GTF2H3: variants seen among roughly 807,000 people sequenced by gnomAD.
GTF2H3 encodes TFIIH basal transcription factor complex p34 subunit.
In GTF2H3, 42 loss-of-function variants were observed where a neutral mutation model predicts 51.1. That is an observed-to-expected ratio of 0.82 (90% confidence interval 0.64 to 1.06). GTF2H3 has a LOEUF of 1.06. GTF2H3 is among the 50% of genes least tolerant of loss of function. GTF2H3 has a pLI of 0.00. For synonymous variants in GTF2H3, 123 were observed against 123.8 expected (o/e 0.99, Z 0.04); for missense variants, 326 against 366.1 (o/e 0.89, Z 0.89).
rs1955533903 is a variant in GTF2H3, at chr12:123,652,707, A to G, written c.458A>G (p.Asp153Gly). ...TTTTTCTGCTTTTTTCTCTTTGTAG[A>G]CAATCAGGAAATGAAATCAAGGATA... The part of the protein sequence containing the change: ...YIHRMNKEVK[D>G]NQEMKSRILV... Residue 153 changes from aspartate (D) to glycine (G), a missense_variant and splice_region_variant, in exon 7 of 13, where the codon GAC becomes GGC. Coordinates refer to ENST00000543341, the MANE Select transcript of GTF2H3 (RefSeq NM_001516.5). The G allele has an allele frequency of 6.6e-7, 1 of 1,523,806 alleles. No homozygotes were observed. Among genetic ancestry groups the G allele is most frequent in the East Asian group, 2.3e-5 (1 of 43,330 alleles). 94.4% of individuals were successfully genotyped at this position (1,523,806 alleles called of 1,614,324 possible).
chr12:123,647,480 A>C (rs1324738378), intron 3 of GTF2H3, among the ~76,000 whole-genome samples: 3 of 152,150 alleles, frequency 2.0e-5, no homozygotes, highest in Non-Finnish European at 4.4e-5. Flanking sequence ...TCAAAAAAAA[A>C]AAGAGTCATG....
At chr12:123,639,202 T>C in intron 1 of GTF2H3, 62 bp from the exon 2 acceptor site, 1 of 804,546 alleles carries the variant, frequency 1.2e-6, no homozygotes, top group East Asian at 2.6e-5. Context: ...TTGGGAATGT[T>C]AGCTTTGATT....
chr12:123,640,382 G>A (rs1006599932), intron 2 of GTF2H3, among the ~76,000 whole-genome samples: 3 of 149,280 alleles, frequency 2.0e-5, no homozygotes, highest in African/African-American at 5.0e-5. Context: ...TGTTGCCCAG[G>A]CTAGAGTGCA....
Position 123,639,331 on chromosome 12 carries a change from A to G in GTF2H3, c.81A>G (p.Leu27=). Residue 27 remains leucine, a synonymous_variant, in exon 2 of 13, where the codon TTA becomes TTG. Transcript: ENST00000543341. ...CAATTTGGTGGGGAAAGCAAGCATT[A>G]AAGGAATCTCAGGTAAGACTGCTTG... is the stretch of plus-strand genomic sequence containing the variant. ...ANPIWWGKQA[L]KESQFTLSKC... 1 of 1,568,064 alleles carries G rather than the reference A, an allele frequency of 6.4e-7. No homozygotes were observed. The highest frequency in any genetic ancestry group is 8.8e-7 in the Non-Finnish European group (1 of 1,138,106).
chr12:123,648,506 A>C (rs1955479543), intron 4 of GTF2H3: 1 of 156,072 alleles, frequency 6.4e-6, no homozygotes, highest in African/African-American at 2.4e-5. Context: ...TTTTGCCTTT[A>C]ATTATCTTTT....
intron 8 of GTF2H3, 42 bp from the exon 9 acceptor site, chr12:123,655,729 A>C (rs1955578634): frequency 8.7e-7 from 1 of 1,150,366 alleles, no homozygotes; most frequent in Non-Finnish European, 1.3e-6. Flanking sequence ...GGTAATCATT[A>C]TTGTTATTAT....
chr12:123,634,836 A>G (rs921377346), intron 1 of GTF2H3, among the ~76,000 whole-genome samples: 1 of 152,250 alleles, frequency 6.6e-6, no homozygotes, highest in African/African-American at 2.4e-5. Flanking sequence ...GCAGGGCCTT[A>G]TTGGCCGTGA....
intron 3 of GTF2H3, among the ~76,000 whole-genome samples, 164 bp downstream of exon 3, chr12:123,645,725 A>G (rs1362069020): frequency 1.3e-5 from 2 of 152,238 alleles, no homozygotes; most frequent in East Asian, 1.9e-4. Flanking sequence ...TGTGATATCC[A>G]TGAAATTTGC....
chr12:123,655,569 T>G (rs918490723), intron 8 of GTF2H3: 28 of 483,266 alleles, frequency 5.8e-5, no homozygotes, highest in African/African-American at 5.4e-4. Context: ...GGGTGACAGC[T>G]TTCTCACCCG....
chr12:123,659,029 A>G (rs1459663278), intron 9 of GTF2H3, among the ~76,000 whole-genome samples: 1 of 152,238 alleles, frequency 6.6e-6, no homozygotes, highest in East Asian at 1.9e-4. Context: ...ACTAGGACAC[A>G]TGTAATCAAA....
chr12:123,649,607 T>A (rs1435864880), intron 4 of GTF2H3: 1 of 152,226 alleles, frequency 6.6e-6, no homozygotes, highest in Non-Finnish European at 1.5e-5. Flanking sequence ...TTCCTGGGCT[T>A]ATAGGCCTTT....
chr12:123,640,630 G>A (rs974063187), intron 2 of GTF2H3, among the ~76,000 whole-genome samples: 2 of 152,058 alleles, frequency 1.3e-5, no homozygotes, highest in African/African-American at 4.8e-5. Flanking sequence ...GAGCCACTGT[G>A]CCTGGCCTTG....
At chr12:123,634,527 A>C (rs1165712997) in intron 1 of GTF2H3, among the ~76,000 whole-genome samples, 1 of 152,256 alleles carries the variant, frequency 6.6e-6, no homozygotes, top group Admixed American at 6.5e-5. Flanking sequence ...ACAATAGTAC[A>C]TTGTGACTAG....
At chr12:123,636,339 G>A (rs1033869952) in intron 1 of GTF2H3, among the ~76,000 whole-genome samples, 4 of 152,198 alleles carry the variant, frequency 2.6e-5, no homozygotes, top group East Asian at 1.9e-4. Flanking sequence ...AAGAGTTTGC[G>A]CTGGTTTGGG....
At chr12:123,638,952 C>T (rs974621866) in intron 1 of GTF2H3, among the ~76,000 whole-genome samples, 1 of 151,982 alleles carries the variant, frequency 6.6e-6, no homozygotes, top group Non-Finnish European at 1.5e-5. Flanking sequence ...CCCACCACCA[C>T]GCCCATCTAA....
rs369307451 is a variant in GTF2H3, at chr12:123,651,068, G to T, written c.427+12G>T. ...CAAAGCCCTTTGCTGTATCCTTGGT[G>T]TCTGAATCATTTAGAAGGTGTCTTC... On this transcript the variant is annotated intron_variant, in intron 5 of 12. Coordinates refer to ENST00000543341, the MANE Select transcript of GTF2H3 (RefSeq NM_001516.5). 3 of 1,598,606 alleles carry T rather than the reference G, an allele frequency of 1.9e-6. No individual in the cohort carries two copies. The South Asian group carries it at 3.3e-5, about 18-fold the overall frequency.
At chr12:123,657,443 C>T (rs929504129) in intron 9 of GTF2H3, among the ~76,000 whole-genome samples, 5 of 152,174 alleles carry the variant, frequency 3.3e-5, no homozygotes, top group African/African-American at 4.8e-5. Flanking sequence ...GCCAGAGGGG[C>T]GCTGCACTTT....
chr12:123,657,019 C>T (rs147864359), intron 9 of GTF2H3, among the ~76,000 whole-genome samples: 28 of 152,036 alleles, frequency 1.8e-4, no homozygotes, highest in African/African-American at 6.5e-4. Context: ...GCCAGGAGTT[C>T]GAAGCTGCAG....
chr12:123,639,416 G>A lies in GTF2H3; in HGVS notation c.93+73G>A, dbSNP rs140993456. 2.0e-3 allele frequency: 1,487 copies of A among 748,336 alleles called. 28 individuals carry two copies. The Admixed American group carries it at 0.028, about 14-fold the overall frequency. The allele number at this position is 748,336 out of a possible 1,614,324, so 46.4% of individuals were successfully genotyped here. A position where few individuals can be genotyped will look rare whatever the true frequency, so the allele number is the denominator to read the frequency against. ...GTTTATATTGCTTTTTTAAAAAATG[G>A]CTTTATTAAAGTATAATTTACATAC... On this transcript the variant is annotated intron_variant, in intron 2 of 12. Coordinates refer to ENST00000543341, the MANE Select transcript of GTF2H3 (RefSeq NM_001516.5).
Sources: gnomAD v4.1 joint callset for allele counts (sites outside exome capture counted in the v4.1 genomes callset) on GRCh38, gnomAD v4.1.1 for gene constraint, MANE v1.5 for transcripts, NCBI Gene and HGNC (gene_info 2026-07-23, HGNC 2026-07-21) for gene names.